Variants in RBM27 observed in about 807,000 individuals in gnomAD.
The protein encoded by RBM27 is RNA-binding protein 27.
In RBM27, 22 loss-of-function variants were observed where a neutral mutation model predicts 135.3. The ratio of observed to expected loss-of-function variants is 0.16; its 90% CI spans 0.12 to 0.23. The LOEUF is 0.23. RBM27 is among the 10% of genes least tolerant of loss of function. The pLI is 1.00. For missense variants in RBM27, 1,009 were observed against 1,281.0 expected (o/e 0.79, Z 3.24); for synonymous variants, 481 against 442.4 (o/e 1.09, Z -1.10).
At chr5:146,256,292 T>TTA (rs985508856) in intron 10 of RBM27, among the ~76,000 whole-genome samples, 10 of 147,030 alleles carry the variant, frequency 6.8e-5, no homozygotes, top group Non-Finnish European at 7.5e-5. Flanking sequence ...TATATATATT[T>TTA]TATATATATA....
intron 19 of RBM27, among the ~76,000 whole-genome samples, chr5:146,281,975 C>T (rs1300963972): frequency 6.9e-6 from 1 of 145,496 alleles, no homozygotes; most frequent in Non-Finnish European, 1.5e-5. Flanking sequence ...ATAGTTGTAT[C>T]AATATACCAC....
At chr5:146,231,254 G>A (rs1756917617) in intron 6 of RBM27, among the ~76,000 whole-genome samples, 1 of 152,226 alleles carries the variant, frequency 6.6e-6, no homozygotes, top group African/African-American at 2.4e-5. Context: ...ACAGGCATGT[G>A]CCACCATGCC....
At chr5:146,243,900 A>G (rs1353177411) in intron 8 of RBM27, among the ~76,000 whole-genome samples, 1 of 152,174 alleles carries the variant, frequency 6.6e-6, no homozygotes, top group Non-Finnish European at 1.5e-5. Context: ...GAGTCTGCTC[A>G]GTGTTAGGTA....
At position 146,286,211 on chromosome 5, in the gene RBM27, A is replaced by G. The variant is rs1224605828; in HGVS notation, c.*181A>G. The G allele has an allele frequency of 4.0e-6, 2 of 501,002 alleles. No individual in the cohort carries two copies. Among genetic ancestry groups the G allele is most frequent in the East Asian group, 7.0e-5 (2 of 28,420 alleles). The allele number at this position is 501,002 out of a possible 1,614,324, so 31.0% of individuals were successfully genotyped here. A position where few individuals can be genotyped will look rare whatever the true frequency, so the allele number is the denominator to read the frequency against. ...TCATAACTGTACATGATATTAAAGC[A>G]CCAAAGGCCTAGTGACTTTTACACA... On this transcript the variant is annotated 3_prime_UTR_variant, in exon 21 of 21. Transcript: ENST00000265271.
intron 1 of RBM27, among the ~76,000 whole-genome samples, chr5:146,212,083 T>G (rs879153847): frequency 6.6e-6 from 1 of 151,182 alleles, no homozygotes; most frequent in South Asian, 2.1e-4. Flanking sequence ...CGAGATGGAG[T>G]CTTGCTCTGT....
chr5:146,244,371 T>C (rs1052178408), intron 8 of RBM27, among the ~76,000 whole-genome samples: 22 of 152,170 alleles, frequency 1.4e-4, no homozygotes, highest in African/African-American at 5.3e-4. Context: ...AAAAATTGAT[T>C]ATAATTTATA....
chr5:146,267,509 A>T, intron 14 of RBM27, 140 bp from the exon 15 acceptor site: 1 of 572,050 alleles, frequency 1.7e-6, no homozygotes, highest in South Asian at 2.8e-5. Flanking sequence ...TAGATTTTAT[A>T]ATGAAATTTT....
At chr5:146,233,821 G>T (rs752650381) in intron 7 of RBM27, 78 bp downstream of exon 7, 1 of 984,820 alleles carries the variant, frequency 1.0e-6, no homozygotes, top group Non-Finnish European at 1.4e-6. Context: ...CTTGACACTC[G>T]TTTAAAGTGT....
intron 7 of RBM27, among the ~76,000 whole-genome samples, chr5:146,234,378 C>T (rs1421219941): frequency 2.6e-5 from 4 of 152,106 alleles, no homozygotes; most frequent in African/African-American, 9.7e-5. Context: ...TGTTTTGTCT[C>T]ATATTTTCCC....
At chr5:146,242,149 G>T (rs1757433501) in intron 8 of RBM27, among the ~76,000 whole-genome samples, 1 of 152,062 alleles carries the variant, frequency 6.6e-6, no homozygotes, top group Non-Finnish European at 1.5e-5. Context: ...GGGTCTTGCT[G>T]TCTTACCCAG....
At chr5:146,231,870 C>T (rs1373414112) in intron 6 of RBM27, among the ~76,000 whole-genome samples, 1 of 152,160 alleles carries the variant, frequency 6.6e-6, no homozygotes, top group African/African-American at 2.4e-5. Context: ...CTTCCTCAGC[C>T]TCCCAAAGTG....
chr5:146,228,062 T>C (rs187938468), intron 3 of RBM27, among the ~76,000 whole-genome samples: 1 of 152,314 alleles, frequency 6.6e-6, no homozygotes, highest in African/African-American at 2.4e-5. Flanking sequence ...ATGAATTGTT[T>C]ATACTTTTCC....
intron 3 of RBM27, among the ~76,000 whole-genome samples, chr5:146,225,623 T>C (rs1243245217): frequency 6.6e-6 from 1 of 151,102 alleles, no homozygotes; most frequent in Non-Finnish European, 1.5e-5. Flanking sequence ...TGGAGTGCAG[T>C]GGTGCCATCT....
intron 8 of RBM27, among the ~76,000 whole-genome samples, chr5:146,250,908 T>C (rs1462366638): frequency 6.6e-6 from 1 of 151,464 alleles, no homozygotes; most frequent in Non-Finnish European, 1.5e-5. Context: ...TCCCTAGTAG[T>C]TGGGATTACA....
chr5:146,288,375 A>G lies in RBM27; in HGVS notation c.*2345A>G, dbSNP rs1386117123. On this transcript the variant is annotated 3_prime_UTR_variant, in exon 21 of 21. Transcript: ENST00000265271. Reference sequence around the variant, plus strand: ...TTCTATAAGTTTTCAGTACACCTTAAACAGGACTAAAAATACTTTAAAAGT... The same window carrying G: ...TTCTATAAGTTTTCAGTACACCTTAGACAGGACTAAAAATACTTTAAAAGT... The G allele has an allele frequency of 6.6e-6, 1 of 152,108 alleles. No homozygotes were observed. Among genetic ancestry groups the G allele is most frequent in the Non-Finnish European group, 1.5e-5 (1 of 67,960 alleles). 9.4% of individuals were successfully genotyped at this position (152,108 alleles called of 1,614,324 possible). A position where few individuals can be genotyped will look rare whatever the true frequency, so the allele number is the denominator to read the frequency against.
At position 146,220,489 on chromosome 5, in the gene RBM27, A is replaced by AATATATAT. The variant is rs34220307; in HGVS notation, c.178+1399_178+1406dup. On this transcript the variant is annotated intron_variant, in intron 2 of 20. Coordinates refer to ENST00000265271, the MANE Select transcript of RBM27 (RefSeq NM_018989.2). ...GAGTCCATCTCAAAAAAAAAAAAAA[A>AATATATAT]ATATATATATATATATATATGTATG... Among the ~76,000 whole-genome samples, 258 of 104,898 alleles carry AATATATAT rather than the reference A, an allele frequency of 2.5e-3. 2 individuals are homozygous for AATATATAT. Among genetic ancestry groups the AATATATAT allele is most frequent in the African/African-American group, 7.8e-3 (255 of 32,852 alleles). The allele number at this position is 104,898 out of a possible 152,430, so 68.8% of individuals were successfully genotyped here.
At chr5:146,259,531 G>A (rs1296614619) in intron 11 of RBM27, among the ~76,000 whole-genome samples, 1 of 150,480 alleles carries the variant, frequency 6.6e-6, no homozygotes, top group East Asian at 1.9e-4. Context: ...AAAAAAAGGT[G>A]GTGTTCTAGC....
rs1759606703 is a variant in RBM27 at position 146,286,874 on chromosome 5, A to G, written c.*844A>G. On this transcript the variant is annotated 3_prime_UTR_variant, in exon 21 of 21. Transcript: ENST00000265271. ...TCTTGCCTTTCTATTAATAGGCCTG[A>G]CTTAGTCATCATTGATATAAGTGGT... 1 of 152,368 alleles carries G rather than the reference A, an allele frequency of 6.6e-6. No individual in the cohort carries two copies. The highest frequency in any genetic ancestry group is 2.1e-4 in the South Asian group (1 of 4,826). The allele number at this position is 152,368 out of a possible 1,614,324, so 9.4% of individuals were successfully genotyped here.
At chr5:146,213,477 C>A (rs1313537527) in intron 1 of RBM27, among the ~76,000 whole-genome samples, 5 of 151,830 alleles carry the variant, frequency 3.3e-5, no homozygotes, top group Admixed American at 6.6e-5. Context: ...GGCTCAGAAG[C>A]ACATGTATTA....
Sources: gnomAD v4.1 joint callset for allele counts (sites outside exome capture counted in the v4.1 genomes callset) on GRCh38, gnomAD v4.1.1 for gene constraint, MANE v1.5 for transcripts, NCBI Gene and HGNC (gene_info 2026-07-23, HGNC 2026-07-21) for gene names.